The following ANGPT1 variants were observed in gnomAD, a reference collection of about 807,000 sequenced individuals.
The protein encoded by ANGPT1 is angiopoietin-1.
A neutral mutation model predicts 62.2 loss-of-function variants in ANGPT1; 17 were observed. The observed-to-expected ratio is 0.27, with a 90% CI of 0.19 to 0.41. The LOEUF is 0.41. Ranked by LOEUF, ANGPT1 falls within the 10% of genes least tolerant of loss-of-function variation. ANGPT1 has a pLI of 1.00. For synonymous variants in ANGPT1, 199 were observed against 198.9 expected (o/e 1.00, Z 0.00); for missense variants, 478 against 594.9 (o/e 0.80, Z 2.04).
Position 107,497,727 on chromosome 8 carries a change from G to T in ANGPT1, c.-169C>A. On this transcript the variant is annotated 5_prime_UTR_variant, in exon 1 of 9. Coordinates refer to ENST00000517746, the MANE Select transcript of ANGPT1 (RefSeq NM_001146.5). Reference sequence around the variant, plus strand: ...AGAAAACTAGCCATTTGTTAGCTTTGTTCTAAAATTTTAAAATTTTTTATT... The same window carrying T: ...AGAAAACTAGCCATTTGTTAGCTTTTTTCTAAAATTTTAAAATTTTTTATT... 2 of 750,738 alleles carry T rather than the reference G, an allele frequency of 2.7e-6. No individual in the cohort carries two copies. Among genetic ancestry groups the T allele is most frequent in the South Asian group, 2.2e-5 (1 of 45,126 alleles). The allele number at this position is 750,738 out of a possible 1,614,324, so 46.5% of individuals were successfully genotyped here.
chr8:107,451,254 A>G (rs970697983), intron 1 of ANGPT1, among the ~76,000 whole-genome samples: 5 of 151,838 alleles, frequency 3.3e-5, no homozygotes, highest in Non-Finnish European at 7.4e-5. Context: ...AGGAAGGGTT[A>G]AAAATGAAGA....
At chr8:107,253,650 G>A (rs967408855) in intron 8 of ANGPT1, among the ~76,000 whole-genome samples, 11 of 152,102 alleles carry the variant, frequency 7.2e-5, no homozygotes, top group Admixed American at 5.9e-4. Context: ...CTTCCAAGTT[G>A]CATTGGGGTA....
intron 1 of ANGPT1, among the ~76,000 whole-genome samples, chr8:107,481,988 C>T (rs1311036487): frequency 3.3e-5 from 5 of 152,068 alleles, no homozygotes; most frequent in African/African-American, 1.2e-4. Context: ...TATTTCCCTT[C>T]AGTTAATAAT....
At chr8:107,478,366 T>A (rs1356648244) in intron 1 of ANGPT1, among the ~76,000 whole-genome samples, 2 of 151,602 alleles carry the variant, frequency 1.3e-5, no homozygotes, top group African/African-American at 4.8e-5. Flanking sequence ...CTGGCTAACA[T>A]GGGAAAACCC....
At chr8:107,261,460 C>CT (rs1404070510) in intron 8 of ANGPT1, among the ~76,000 whole-genome samples, 3 of 152,048 alleles carry the variant, frequency 2.0e-5, no homozygotes, top group Non-Finnish European at 4.4e-5. Context: ...AATCCCAGCA[C>CT]TTTGGGAGGC....
At chr8:107,330,302 A>C (rs149162212) in intron 3 of ANGPT1, among the ~76,000 whole-genome samples, 1 of 152,290 alleles carries the variant, frequency 6.6e-6, no homozygotes, top group East Asian at 1.9e-4. Context: ...GAGTCTATGT[A>C]AGTTGCACAA....
chr8:107,303,531 C>A (rs1814645057), intron 4 of ANGPT1, among the ~76,000 whole-genome samples, 164 bp from the exon 5 acceptor site: 1 of 150,004 alleles, frequency 6.7e-6, no homozygotes. Context: ...TTTGAGGTAG[C>A]TTACAAAATT....
chr8:107,445,874 TA>T (rs1811602577), intron 1 of ANGPT1, among the ~76,000 whole-genome samples: 1 of 152,124 alleles, frequency 6.6e-6, no homozygotes, highest in Non-Finnish European at 1.5e-5. Context: ...AGAAAATAAA[TA>T]GGTGGAATTA....
At chr8:107,283,619 C>T (rs966839869) in intron 7 of ANGPT1, among the ~76,000 whole-genome samples, 21 of 152,206 alleles carry the variant, frequency 1.4e-4, no homozygotes, top group Non-Finnish European at 2.5e-4. Context: ...ACAAAACACA[C>T]GCAAGGGTTG....
chr8:107,291,602 G>A (rs1423573215), intron 6 of ANGPT1, among the ~76,000 whole-genome samples: 12 of 151,910 alleles, frequency 7.9e-5, no homozygotes, highest in Admixed American at 1.3e-4. Flanking sequence ...TAGTAGAGAC[G>A]GGGTTTCACC....
intron 1 of ANGPT1, among the ~76,000 whole-genome samples, chr8:107,359,437 A>C (rs1308736988): frequency 2.0e-5 from 3 of 152,164 alleles, no homozygotes; most frequent in Non-Finnish European, 2.9e-5. Flanking sequence ...CAGAGAGAGC[A>C]ATTAGGGGGT....
At chr8:107,312,613 C>G (rs1382642538) in intron 4 of ANGPT1, among the ~76,000 whole-genome samples, 1 of 152,188 alleles carries the variant, frequency 6.6e-6, no homozygotes, top group African/African-American at 2.4e-5. Context: ...ACTTAAAGAA[C>G]AGTACTTGAC....
chr8:107,418,139 G>A (rs1810799972), intron 1 of ANGPT1, among the ~76,000 whole-genome samples: 1 of 152,110 alleles, frequency 6.6e-6, no homozygotes, highest in Admixed American at 6.6e-5. Context: ...TGTTTCTAAC[G>A]TAGAGAAAGT....
chr8:107,380,230 C>G (rs1586273748), intron 1 of ANGPT1, among the ~76,000 whole-genome samples: 1 of 151,998 alleles, frequency 6.6e-6, no homozygotes, highest in East Asian at 1.9e-4. Context: ...GTGCCATTAC[C>G]TGTGTGGTAA....
At chr8:107,378,709 C>G (rs1414886809) in intron 1 of ANGPT1, among the ~76,000 whole-genome samples, 2 of 152,004 alleles carry the variant, frequency 1.3e-5, no homozygotes, top group Admixed American at 6.6e-5. Context: ...GGTTTTATAA[C>G]GGGCTCTTCC....
At chr8:107,430,672 A>G (rs968087260) in intron 1 of ANGPT1, among the ~76,000 whole-genome samples, 3 of 152,212 alleles carry the variant, frequency 2.0e-5, no homozygotes, top group Non-Finnish European at 2.9e-5. Context: ...GTGATGGTGG[A>G]AGCAAGAGGT....
chr8:107,310,791 C>T (rs1337413143), intron 4 of ANGPT1, among the ~76,000 whole-genome samples: 1 of 152,110 alleles, frequency 6.6e-6, no homozygotes, highest in Non-Finnish European at 1.5e-5. Flanking sequence ...GGATTTACCC[C>T]TATTAATTTT....
chr8:107,319,188 T>C (rs1282365762), intron 4 of ANGPT1, among the ~76,000 whole-genome samples: 2 of 152,198 alleles, frequency 1.3e-5, no homozygotes, highest in Non-Finnish European at 2.9e-5. Flanking sequence ...CTTTCCCTAT[T>C]GTGGTGAAAT....
chr8:107,349,816 T>C (rs190891739), intron 1 of ANGPT1, among the ~76,000 whole-genome samples: 1 of 152,228 alleles, frequency 6.6e-6, no homozygotes, highest in African/African-American at 2.4e-5. Context: ...TGAGTGTTCA[T>C]CAAAACTACA....
Sources: gnomAD v4.1 joint callset for allele counts (sites outside exome capture counted in the v4.1 genomes callset) on GRCh38, gnomAD v4.1.1 for gene constraint, MANE v1.5 for transcripts, NCBI Gene and HGNC (gene_info 2026-07-23, HGNC 2026-07-21) for gene names.